The following IL6R variants were observed in gnomAD, a reference collection of about 807,000 sequenced individuals.
IL6R encodes the protein interleukin 6 receptor.
A neutral mutation model predicts 48.3 loss-of-function variants in IL6R; 38 were observed. That is an observed-to-expected ratio of 0.79 (90% CI 0.61 to 1.03). The LOEUF is 1.03. IL6R is among the 50% of genes least tolerant of loss of function. The probability of loss-of-function intolerance (pLI) is 0.00; values close to 1 mark genes in which losing one functional copy is unlikely to be tolerated. For synonymous variants in IL6R, 264 were observed against 256.2 expected (o/e 1.03, Z -0.29); for missense variants, 534 against 618.3 (o/e 0.86, Z 1.45).
At chr1:154,456,655 A>T (rs1442500548) in intron 9 of IL6R, among the ~76,000 whole-genome samples, 1 of 152,188 alleles carries the variant, frequency 6.6e-6, no homozygotes, top group African/African-American at 2.4e-5. Context: ...GACTGGAAAC[A>T]CCTGAGGATA....
chr1:154,447,850 G>T (rs901055314), intron 6 of IL6R, among the ~76,000 whole-genome samples: 1 of 151,962 alleles, frequency 6.6e-6, no homozygotes, highest in Admixed American at 6.6e-5. Context: ...GAGTAGCTGG[G>T]ATTACAGGCA....
intron 8 of IL6R, among the ~76,000 whole-genome samples, chr1:154,450,992 A>T (rs754174081): frequency 3.3e-5 from 5 of 152,256 alleles, no homozygotes; most frequent in Admixed American, 1.3e-4. Flanking sequence ...GATTAGAGCC[A>T]TCCCTGTTCT....
At chr1:154,447,645 G>A (rs995347948) in intron 6 of IL6R, among the ~76,000 whole-genome samples, 1 of 150,848 alleles carries the variant, frequency 6.6e-6, no homozygotes, top group African/African-American at 2.4e-5. Context: ...TCTACAGCTA[G>A]TCCCTTACGG....
intron 7 of IL6R, among the ~76,000 whole-genome samples, 187 bp downstream of exon 7, chr1:154,448,358 G>A (rs1034724747): frequency 1.4e-4 from 22 of 152,264 alleles, no homozygotes; most frequent in African/African-American, 5.1e-4. Context: ...TCCCAGGACT[G>A]TAAGGAGTGG....
chr1:154,434,476 C>A (rs761277244), intron 3 of IL6R, 43 bp from the exon 4 acceptor site: 3 of 1,572,156 alleles, frequency 1.9e-6, no homozygotes, highest in Non-Finnish European at 2.6e-6. Context: ...TGAGTCTGTG[C>A]GAAACTGACA....
intron 1 of IL6R, among the ~76,000 whole-genome samples, chr1:154,412,315 A>G (rs1483575404): frequency 1.4e-5 from 2 of 146,462 alleles, no homozygotes; most frequent in Admixed American, 1.4e-4. Context: ...GTGCAGTGGC[A>G]CAATCTCAGC....
At chr1:154,433,488 T>C (rs569957327) in intron 3 of IL6R, among the ~76,000 whole-genome samples, 1 of 152,156 alleles carries the variant, frequency 6.6e-6, no homozygotes, top group Admixed American at 6.5e-5. Flanking sequence ...TGAGGACAGA[T>C]CTTTTTTGTT....
chr1:154,418,878 C>T (rs563523038), intron 1 of IL6R, among the ~76,000 whole-genome samples: 18 of 151,930 alleles, frequency 1.2e-4, no homozygotes, highest in Admixed American at 5.2e-4. Flanking sequence ...GCAGTGATGG[C>T]GCTGACCCCC....
In IL6R at chr1:154,435,963, C is replaced by T; in HGVS notation, c.808-6C>T. On this transcript the variant is annotated splice_region_variant and splice_polypyrimidine_tract_variant and intron_variant, in intron 5 of 9. Transcript: ENST00000368485. ...CTCCCCAGAGTCACCGTGCCCCCGCCCTCAGGTCAAGGACCTCCAGCATCA... is the reference window on the plus strand; with the variant it reads ...CTCCCCAGAGTCACCGTGCCCCCGCTCTCAGGTCAAGGACCTCCAGCATCA... 6.3e-7 allele frequency: 1 copy of T among 1,595,412 alleles called. No individual in the cohort carries two copies. Among genetic ancestry groups the T allele is most frequent in the Non-Finnish European group, 8.6e-7 (1 of 1,166,168 alleles).
At chr1:154,449,801 T>A (rs567100439) in intron 7 of IL6R, 110 bp from the exon 8 acceptor site, 177 of 745,226 alleles carry the variant, frequency 2.4e-4, no homozygotes, top group Middle Eastern at 2.3e-4. Flanking sequence ...GAGAAAGGAA[T>A]GCTTTGGGTG....
chr1:154,418,488 G>A lies in IL6R; in HGVS notation c.86-10708G>A, dbSNP rs376939622. The A allele has an allele frequency of 2.2e-5, 18 of 830,376 alleles. No individual in the cohort carries two copies. In the South Asian group the frequency reaches 8.8e-4, roughly 41 times the overall value. The allele number at this position is 830,376 out of a possible 1,614,324, so 51.4% of individuals were successfully genotyped here. A position where few individuals can be genotyped will look rare whatever the true frequency, so the allele number is the denominator to read the frequency against. On this transcript the variant is annotated intron_variant, in intron 1 of 9. Transcript: ENST00000368485. ...GTACAAGAAGTACAAATACATATGT[G>A]GGGGAGGAGGGAGCAGGGGCCTGCC... is the stretch of plus-strand genomic sequence containing the variant.
At chr1:154,426,108 C>CACACACACACAT (rs1491495244) in intron 1 of IL6R, among the ~76,000 whole-genome samples, 1 of 132,382 alleles carries the variant, frequency 7.6e-6, no homozygotes, top group African/African-American at 2.7e-5. Flanking sequence ...CACACACACA[C>CACACACACACAT]ATATACACAC....
chr1:154,435,507 T>TC (rs1689566953), intron 5 of IL6R, among the ~76,000 whole-genome samples: 1 of 57,420 alleles, frequency 1.7e-5, no homozygotes, highest in Non-Finnish European at 3.6e-5. Flanking sequence ...AGACTCCATG[T>TC]CAAAAAAAAA....
Position 154,434,462 on chromosome 1 carries a change from G to A in IL6R, c.459-57G>A, listed in dbSNP as rs1016835934. On this transcript the variant is annotated intron_variant, in intron 3 of 9. Coordinates refer to ENST00000368485, the MANE Select transcript of IL6R (RefSeq NM_000565.4). ...GGATTCCACTTCCCCCTTCTGTCCC[G>A]TCTTGAGTCTGTGCGAAACTGACAG... 35 of 1,511,916 alleles carry A rather than the reference G, an allele frequency of 2.3e-5. No homozygotes were observed. The Admixed American group carries it at 4.2e-4, about 18-fold the overall frequency. 93.7% of individuals were successfully genotyped at this position (1,511,916 alleles called of 1,614,324 possible). A position where few individuals can be genotyped will look rare whatever the true frequency, so the allele number is the denominator to read the frequency against.
At chr1:154,437,099 T>A (rs756202723) in intron 6 of IL6R, among the ~76,000 whole-genome samples, 12 of 151,984 alleles carry the variant, frequency 7.9e-5, no homozygotes, top group Non-Finnish European at 1.5e-4. Context: ...TTGTTGTTGT[T>A]TTGTTTGTTT....
chr1:154,461,436 G>A (rs1315035627), intron 9 of IL6R, among the ~76,000 whole-genome samples: 1 of 152,218 alleles, frequency 6.6e-6, no homozygotes, highest in Non-Finnish European at 1.5e-5. Flanking sequence ...TGGCGTTACC[G>A]CTTGACCAAG....
intron 1 of IL6R, chr1:154,418,327 C>A: frequency 1.4e-6 from 1 of 699,840 alleles, no homozygotes; most frequent in Non-Finnish European, 1.8e-6. Flanking sequence ...GTCTCTGAGT[C>A]AGCATTGAGC....
intron 8 of IL6R, among the ~76,000 whole-genome samples, chr1:154,451,246 G>A (rs748334960): frequency 3.3e-5 from 5 of 152,186 alleles, no homozygotes; most frequent in Non-Finnish European, 4.4e-5. Context: ...GGCCGGGCGC[G>A]GTGGCTTACG....
chr1:154,461,617 A>G (rs896599679), intron 9 of IL6R, among the ~76,000 whole-genome samples: 6 of 152,258 alleles, frequency 3.9e-5, no homozygotes, highest in African/African-American at 1.4e-4. Context: ...AATAATGTTT[A>G]TAATAATGAT....
Sources: gnomAD v4.1 joint callset for allele counts (sites outside exome capture counted in the v4.1 genomes callset) on GRCh38, gnomAD v4.1.1 for gene constraint, MANE v1.5 for transcripts, NCBI Gene and HGNC (gene_info 2026-07-23, HGNC 2026-07-21) for gene names.